Variants in IL1RAPL1 observed in about 807,000 individuals in gnomAD.
IL1RAPL1 encodes interleukin-1 receptor accessory protein-like 1.
In IL1RAPL1, 3 loss-of-function variants were observed where a neutral mutation model predicts 48.4. That is an observed-to-expected ratio of 0.06 (90% CI 0.03 to 0.16). The LOEUF is 0.16. Among genes scored for constraint, IL1RAPL1 ranks in the 10% least tolerant of loss-of-function variants. The pLI, the probability that IL1RAPL1 is intolerant of heterozygous loss-of-function variation, is 1.00. For missense variants in IL1RAPL1, 349 were observed against 530.6 expected (o/e 0.66, Z 3.36); for synonymous variants, 185 against 187.7 (o/e 0.99, Z 0.12).
chrX:29,860,479 T>C (rs918328736), intron 6 of IL1RAPL1, among the ~76,000 whole-genome samples: 25 of 111,067 alleles, frequency 2.3e-4, no homozygotes, highest in Non-Finnish European at 3.8e-5. Flanking sequence ...TCATCTACCT[T>C]AGGTATTTCT....
intron 2 of IL1RAPL1, among the ~76,000 whole-genome samples, chrX:28,852,517 CTACT>C (rs765995494): frequency 1.2e-4 from 13 of 111,498 alleles, no homozygotes; most frequent in African/African-American, 4.2e-4. Flanking sequence ...AGGATGAAAA[CTACT>C]TAATATAATT....
chrX:28,837,682 C>CTT (rs58666924), intron 2 of IL1RAPL1, among the ~76,000 whole-genome samples: 898 of 37,236 alleles, frequency 0.024, 102 homozygotes, highest in African/African-American at 0.099. Context: ...CATTCCACTT[C>CTT]TTTTTTTTTT....
chrX:29,831,038 AG>A (rs2147187983), intron 6 of IL1RAPL1, among the ~76,000 whole-genome samples: 1 of 112,008 alleles, frequency 8.9e-6, no homozygotes, highest in Admixed American at 9.5e-5. Context: ...TGAATTTAAA[AG>A]GAAAATTAGA....
Position 28,870,552 on chromosome X carries a change from T to C in IL1RAPL1, c.82+81127T>C, listed in dbSNP as rs766932525. 1.2e-3 allele frequency among the ~76,000 whole-genome samples: 137 copies of C among 111,841 alleles called. 1 individual carries two copies. Among genetic ancestry groups the C allele is most frequent in the Non-Finnish European group, 2.3e-3 (120 of 53,080 alleles). On this transcript the variant is annotated intron_variant, in intron 2 of 10. Coordinates refer to ENST00000378993, the MANE Select transcript of IL1RAPL1 (RefSeq NM_014271.4). ...TTCTTAGACATGAACACTTCCATAA[T>C]TAAAGATATTCTTACCCCTATGGTA...
intron 2 of IL1RAPL1, among the ~76,000 whole-genome samples, chrX:28,850,646 T>G (rs1036157016): frequency 1.8e-5 from 2 of 111,061 alleles, no homozygotes; most frequent in African/African-American, 6.6e-5. Context: ...TCTCTGACCC[T>G]GCCTCTGATA....
At chrX:29,673,806 T>C (rs2147102197) in intron 6 of IL1RAPL1, among the ~76,000 whole-genome samples, 1 of 112,147 alleles carries the variant, frequency 8.9e-6, no homozygotes, top group African/African-American at 3.2e-5. Context: ...TAAATGAAAG[T>C]GGTAACTCTT....
At chrX:29,496,842 C>G (rs113919314) in intron 5 of IL1RAPL1, among the ~76,000 whole-genome samples, 43 of 111,608 alleles carry the variant, frequency 3.9e-4, no homozygotes, top group Non-Finnish European at 6.0e-4. Flanking sequence ...AGTCTGGGAC[C>G]TCCAGAAGCT....
chrX:28,955,263 G>A (rs767419895), intron 2 of IL1RAPL1, among the ~76,000 whole-genome samples: 1 of 111,250 alleles, frequency 9.0e-6, no homozygotes, highest in East Asian at 2.8e-4. Flanking sequence ...TTCATGTATG[G>A]CCATAGTTAG....
intron 9 of IL1RAPL1, among the ~76,000 whole-genome samples, chrX:29,944,240 T>C (rs773082947): frequency 7.2e-5 from 8 of 111,469 alleles, no homozygotes; most frequent in African/African-American, 2.3e-4. Flanking sequence ...CAGTGATTGT[T>C]CAAATGGTTT....
At chrX:29,684,440 C>G (rs1264618361) in intron 6 of IL1RAPL1, among the ~76,000 whole-genome samples, 2 of 111,654 alleles carry the variant, frequency 1.8e-5, no homozygotes, top group African/African-American at 6.5e-5. Flanking sequence ...ATACCATCAG[C>G]TTGGTGATTA....
chrX:28,762,245 A>C, intron 1 of IL1RAPL1, among the ~76,000 whole-genome samples: 1 of 111,908 alleles, frequency 8.9e-6, no homozygotes, highest in African/African-American at 3.2e-5. Flanking sequence ...AAAGAACATA[A>C]AACAATGACT....
intron 2 of IL1RAPL1, among the ~76,000 whole-genome samples, chrX:28,953,139 G>A (rs769244435): frequency 9.0e-6 from 1 of 111,513 alleles, no homozygotes; most frequent in East Asian, 2.8e-4. Context: ...GACTATAGCA[G>A]CCAGTGAAAT....
At chrX:29,101,701 C>T (rs1048103774) in intron 2 of IL1RAPL1, among the ~76,000 whole-genome samples, 3 of 111,299 alleles carry the variant, frequency 2.7e-5, no homozygotes, top group Non-Finnish European at 3.8e-5. Context: ...TTTGGGAGGC[C>T]GAGACGGGAG....
chrX:28,806,128 A>T (rs1936728726), intron 2 of IL1RAPL1, among the ~76,000 whole-genome samples: 1 of 112,022 alleles, frequency 8.9e-6, no homozygotes, highest in Non-Finnish European at 1.9e-5. Context: ...TATATAAGCA[A>T]ATGAATAATT....
chrX:29,734,197 A>G lies in IL1RAPL1; in HGVS notation c.778+65693A>G, dbSNP rs1268833752. Among the ~76,000 whole-genome samples the G allele has an allele frequency of 3.5e-5, 4 of 113,007 alleles. No individual in the cohort carries two copies. The East Asian group carries it at 1.1e-3, about 31-fold the overall frequency. ...TAATAGGCACAGGAAAAAAGAAGAC[A>G]GTATTGTGAGTAGGAAAATAGATTA... On this transcript the variant is annotated intron_variant, in intron 6 of 10. Transcript: ENST00000378993.
chrX:28,620,889 A>G (rs1934277282), intron 1 of IL1RAPL1, among the ~76,000 whole-genome samples: 1 of 112,059 alleles, frequency 8.9e-6, no homozygotes, highest in South Asian at 3.7e-4. Flanking sequence ...ATCATTGTAT[A>G]TCACTCTCCT....
intron 2 of IL1RAPL1, among the ~76,000 whole-genome samples, chrX:29,261,478 C>G (rs1292670897): frequency 5.4e-5 from 6 of 110,680 alleles, no homozygotes; most frequent in Admixed American, 9.7e-5. Context: ...TGAGTGGTAC[C>G]AAAACCCACC....
At chrX:28,864,647 A>G (rs1483744626) in intron 2 of IL1RAPL1, among the ~76,000 whole-genome samples, 2 of 111,358 alleles carry the variant, frequency 1.8e-5, no homozygotes, top group Non-Finnish European at 3.8e-5. Flanking sequence ...GACAGTGGGA[A>G]CTACAGTGTG....
At chrX:29,008,357 G>A (rs2069865118) in intron 2 of IL1RAPL1, among the ~76,000 whole-genome samples, 1 of 106,215 alleles carries the variant, frequency 9.4e-6, no homozygotes. Context: ...TGTATTTTTA[G>A]TAGAGATGGA....
Sources: allele counts gnomAD v4.1 joint callset (sites outside exome capture counted in the v4.1 genomes callset), GRCh38; gene constraint gnomAD v4.1.1; transcripts MANE v1.5; gene names NCBI Gene and HGNC (gene_info 2026-07-23, HGNC 2026-07-21).